The following CNTNAP3 variants were observed in gnomAD, a reference collection of about 807,000 sequenced individuals.
CNTNAP3 encodes contactin associated protein family member 3.
In CNTNAP3, 36 loss-of-function variants were observed where a neutral mutation model predicts 92.1. The ratio of observed to expected loss-of-function variants is 0.39; its 90% CI spans 0.30 to 0.52. CNTNAP3 has a LOEUF of 0.52. Ranked by LOEUF, CNTNAP3 falls within the 20% of genes least tolerant of loss-of-function variation. CNTNAP3 has a pLI of 0.76. For missense variants in CNTNAP3, 534 were observed against 1,069.6 expected, an observed-to-expected ratio of 0.50 and a Z score of 6.98; for synonymous variants, 232 against 422.3, an observed-to-expected ratio of 0.55 and a Z score of 5.53.
chr9:39,151,900 T>A (rs1821851868), intron 9 of CNTNAP3, among the ~76,000 whole-genome samples: 1 of 150,436 alleles, frequency 6.6e-6, no homozygotes, highest in African/African-American at 2.4e-5. Flanking sequence ...ATATTAGGTA[T>A]TAAACCTAAT....
chr9:39,090,606 T>A (rs565306826), intron 18 of CNTNAP3, among the ~76,000 whole-genome samples: 39 of 152,216 alleles, frequency 2.6e-4, no homozygotes, highest in African/African-American at 9.2e-4. Context: ...AGTTATATAC[T>A]GCTTTACAGT....
chr9:39,159,671 G>GATAT (rs201468704), intron 9 of CNTNAP3: 2 of 139,520 alleles, frequency 1.4e-5, no homozygotes, highest in Admixed American at 1.4e-4. Flanking sequence ...TAGATAGATA[G>GATAT]ATATATGTAA....
rs1257435452 is a variant in CNTNAP3, at chr9:39,253,829, C to T, written c.196+13067G>A. 1.2e-3 allele frequency among the ~76,000 whole-genome samples: 32 copies of T among 27,780 alleles called. 14 individuals are homozygous for T. Among genetic ancestry groups the T allele is most frequent in the African/African-American group, 2.1e-3 (30 of 14,176 alleles). The allele number at this position is 27,780 out of a possible 152,430, so 18.2% of individuals were successfully genotyped here. A position where few individuals can be genotyped will look rare whatever the true frequency, so the allele number is the denominator to read the frequency against. On this transcript the variant is annotated intron_variant, in intron 2 of 23. Transcript: ENST00000297668. ...ATATATATTAATACTTTATACAATT[C>T]CTCATTCTGTTTTAGGAAAAATTAC...
At chr9:39,129,567 G>GT (rs1236578503) in intron 13 of CNTNAP3, among the ~76,000 whole-genome samples, 1 of 152,172 alleles carries the variant, frequency 6.6e-6, no homozygotes, top group East Asian at 1.9e-4. Context: ...GGAATTTAGG[G>GT]TTAGGTAAAG....
intron 14 of CNTNAP3, among the ~76,000 whole-genome samples, chr9:39,113,530 G>A (rs1225723598): frequency 2.0e-5 from 3 of 150,988 alleles, no homozygotes; most frequent in Non-Finnish European, 3.0e-5. Context: ...ATATTATTTT[G>A]GATTTTCTAT....
At chr9:39,139,716 C>G (rs1323169699) in intron 12 of CNTNAP3, 1 of 150,576 alleles carries the variant, frequency 6.6e-6, no homozygotes, top group African/African-American at 2.4e-5. Context: ...GTGCAATCTT[C>G]TATAATCAAG....
intron 11 of CNTNAP3, among the ~76,000 whole-genome samples, chr9:39,142,630 C>A (rs78924234): frequency 6.6e-6 from 1 of 151,222 alleles, no homozygotes; most frequent in South Asian, 2.1e-4. Flanking sequence ...TGAGATCATG[C>A]CACTGGGCTC....
At chr9:39,149,616 T>C (rs1821791968) in intron 10 of CNTNAP3, among the ~76,000 whole-genome samples, 190 bp downstream of exon 10, 1 of 151,962 alleles carries the variant, frequency 6.6e-6, no homozygotes, top group African/African-American at 2.4e-5. Flanking sequence ...TCAGCCGCAT[T>C]ACAGGTGTGA....
chr9:39,180,546 T>C (rs144402866), intron 4 of CNTNAP3, among the ~76,000 whole-genome samples: 24 of 139,936 alleles, frequency 1.7e-4, no homozygotes, highest in Middle Eastern at 3.4e-3. Flanking sequence ...TAATCGCTAG[T>C]GCTTGTATCT....
At chr9:39,077,349 G>C (rs1374951706) in intron 23 of CNTNAP3, among the ~76,000 whole-genome samples, 1 of 151,918 alleles carries the variant, frequency 6.6e-6, no homozygotes, top group East Asian at 1.9e-4. Context: ...ACGAGGTCAG[G>C]AGATCGAGAC....
intron 1 of CNTNAP3, among the ~76,000 whole-genome samples, chr9:39,285,735 T>G (rs188826718): frequency 0.012 from 697 of 56,744 alleles, 231 homozygotes; most frequent in Middle Eastern, 0.032. Context: ...GTGGCCAAGC[T>G]GGTCTCCAAC....
chr9:39,115,621 A>C (rs1157639919), intron 14 of CNTNAP3, among the ~76,000 whole-genome samples: 1 of 151,738 alleles, frequency 6.6e-6, no homozygotes, highest in Non-Finnish European at 1.5e-5. Context: ...GTTAAAAAGC[A>C]AATGACTCCA....
rs1030665736 is a variant in CNTNAP3, at chr9:39,071,617, T to C, written c.*2273A>G. ...GTTACTTGCAACTAGCATCTATGTA[T>C]CTAAATAACGTTTAGTGACTTAATT... On this transcript the variant is annotated 3_prime_UTR_variant, in exon 24 of 24. Coordinates refer to ENST00000297668, the MANE Select transcript of CNTNAP3 (RefSeq NM_033655.5). Among the ~76,000 whole-genome samples, 2 of 152,088 alleles carry C rather than the reference T, an allele frequency of 1.3e-5. No homozygotes were observed. The highest frequency in any genetic ancestry group is 4.8e-5 in the African/African-American group (2 of 41,416).
chr9:39,066,286 G>A lies in CNTNAP3; in HGVS notation c.*7604C>T, dbSNP rs1055739181. ...CTAAACTATATTTCCATTTACTCTAGGTTATTGTTGTCATATATTTTACTT... is the reference window on the plus strand; with the variant it reads ...CTAAACTATATTTCCATTTACTCTAAGTTATTGTTGTCATATATTTTACTT... On this transcript the variant is annotated 3_prime_UTR_variant, in exon 24 of 24. Transcript: ENST00000297668. 6.6e-5 allele frequency among the ~76,000 whole-genome samples: 10 copies of A among 152,162 alleles called. No individual in the cohort carries two copies. The highest frequency in any genetic ancestry group is 3.3e-4 in the Admixed American group (5 of 15,282).
chr9:39,099,100 G>A (rs540637075), intron 18 of CNTNAP3, among the ~76,000 whole-genome samples: 21 of 151,656 alleles, frequency 1.4e-4, no homozygotes, highest in African/African-American at 4.4e-4. Context: ...TCAGCCTCCC[G>A]AGTAGCTGGG....
At chr9:39,147,697 C>A (rs7040247) in intron 10 of CNTNAP3, among the ~76,000 whole-genome samples, 6 of 152,070 alleles carry the variant, frequency 3.9e-5, no homozygotes, top group Non-Finnish European at 5.9e-5. Context: ...AATTTGGAGG[C>A]CTTTTTAAAA....
chr9:39,079,912 A>C, intron 21 of CNTNAP3, among the ~76,000 whole-genome samples: 1 of 109,494 alleles, frequency 9.1e-6, no homozygotes, highest in Middle Eastern at 3.7e-3. Flanking sequence ...GGTTCCCCAC[A>C]ACAGTTCTTC....
intron 13 of CNTNAP3, among the ~76,000 whole-genome samples, chr9:39,131,983 G>A (rs1200197043): frequency 6.6e-6 from 1 of 151,854 alleles, no homozygotes; most frequent in East Asian, 1.9e-4. Flanking sequence ...ATTAAAGAGT[G>A]AAATTTAATT....
chr9:39,081,290 T>C (rs184940051), intron 21 of CNTNAP3, among the ~76,000 whole-genome samples: 30,010 of 149,542 alleles, frequency 0.2, 3,269 homozygotes, highest in East Asian at 0.35. Context: ...TACAGTTTCC[T>C]GTCTATTACC....
Sources: allele counts gnomAD v4.1 joint callset (sites outside exome capture counted in the v4.1 genomes callset), GRCh38; gene constraint gnomAD v4.1.1; transcripts MANE v1.5; gene names NCBI Gene and HGNC (gene_info 2026-07-23, HGNC 2026-07-21).